Variants in PSIP1 observed in about 807,000 individuals in gnomAD.
The protein encoded by PSIP1 is PC4 and SRSF1 interacting protein 1, also known as PC4 and SFRS1-interacting protein.
PSIP1 carries 19 observed loss-of-function variants against 74.7 expected under a neutral mutation model. The ratio of observed to expected loss-of-function variants is 0.25; its 90% CI spans 0.18 to 0.37. The LOEUF (loss-of-function observed/expected upper bound fraction) is 0.37, where lower values mean the gene tolerates loss of function less well. Ranked by LOEUF, PSIP1 falls within the 10% of genes least tolerant of loss-of-function variation. The probability of loss-of-function intolerance (pLI) is 1.00; values close to 1 mark genes in which losing one functional copy is unlikely to be tolerated. For synonymous variants in PSIP1, 222 were observed against 195.3 expected, an observed-to-expected ratio of 1.14 and a Z score of -1.14; for missense variants, 601 against 614.3, an observed-to-expected ratio of 0.98 and a Z score of 0.23.
chr9:15,501,218 G>A (rs1367102784), intron 3 of PSIP1, among the ~76,000 whole-genome samples: 1 of 151,858 alleles, frequency 6.6e-6, no homozygotes, highest in East Asian at 1.9e-4. Flanking sequence ...ATAAACGTTG[G>A]CTAATGGACA....
Position 15,469,353 on chromosome 9 carries a change from G to A in PSIP1, c.1034-17C>T, listed in dbSNP as rs1185322898. 6.8e-7 allele frequency: 1 copy of A among 1,471,254 alleles called. No homozygotes were observed. The highest frequency in any genetic ancestry group is 2.3e-5 in the East Asian group (1 of 43,888). The allele number at this position is 1,471,254 out of a possible 1,614,324, so 91.1% of individuals were successfully genotyped here. On this transcript the variant is annotated splice_polypyrimidine_tract_variant and intron_variant, in intron 11 of 15. Transcript: ENST00000380733. Reference sequence around the variant, plus strand: ...TTGATGTTTCTACAAATTAAAATATGTGAAAAACAGTGAACAGTTTTTCCA... The same window carrying A: ...TTGATGTTTCTACAAATTAAAATATATGAAAAACAGTGAACAGTTTTTCCA...
chr9:15,467,904 A>G (rs2665511), intron 14 of PSIP1, among the ~76,000 whole-genome samples: 1 of 151,950 alleles, frequency 6.6e-6, no homozygotes, highest in Non-Finnish European at 1.5e-5. Context: ...GTGGATTACC[A>G]TAGGTCGGGA....
At chr9:15,508,950 G>C (rs2037724076) in intron 2 of PSIP1, among the ~76,000 whole-genome samples, 1 of 152,182 alleles carries the variant, frequency 6.6e-6, no homozygotes, top group South Asian at 2.1e-4. Flanking sequence ...CGAAAAGGCA[G>C]ACTTTATAGG....
intron 11 of PSIP1, 69 bp downstream of exon 11, chr9:15,469,869 A>T (rs2035757786): frequency 2.4e-5 from 32 of 1,351,912 alleles, no homozygotes; most frequent in Non-Finnish European, 3.3e-5. Context: ...CCAATACATG[A>T]AAAGTTATGT....
intron 3 of PSIP1, among the ~76,000 whole-genome samples, chr9:15,491,167 T>G (rs1337938167): frequency 6.6e-6 from 1 of 152,268 alleles, no homozygotes; most frequent in Admixed American, 6.5e-5. Flanking sequence ...CAACAGCGTA[T>G]GTAACATGCG....
chr9:15,498,857 T>C (rs2037203967), intron 3 of PSIP1, among the ~76,000 whole-genome samples: 1 of 152,154 alleles, frequency 6.6e-6, no homozygotes. Context: ...AGGGCATAAC[T>C]ATATACGACA....
rs888083555 is a variant in PSIP1 at position 15,468,673 on chromosome 9, T to C, written c.1377A>G (p.Gln459=). The C allele has an allele frequency of 2.5e-6, 4 of 1,614,150 alleles. No individual in the cohort carries two copies. The highest frequency in any genetic ancestry group is 1.7e-5 in the Admixed American group (1 of 60,020). ...QHEEANKTKD[Q]GKKGPNKKLE... is the part of the protein sequence containing the mutation. ...GCTTTTTGTTTGGCCCTTTCTTCCC[T>C]TGATCTTTGGTTTTATTCGCTTCCT... is the stretch of plus-strand genomic sequence containing the variant. The change falls in exon 14 of 16, where the codon CAA becomes CAG. Residue 459 remains glutamine (Q), a synonymous_variant. Coordinates refer to ENST00000380733, the MANE Select transcript of PSIP1 (RefSeq NM_033222.5).
intron 3 of PSIP1, chr9:15,505,081 T>C (rs564993022): frequency 1.3e-5 from 2 of 150,856 alleles, no homozygotes; most frequent in Admixed American, 1.3e-4. Flanking sequence ...TGGGACCACA[T>C]GTGTGTGCCA....
chr9:15,470,984 G>A (rs2035802611), intron 10 of PSIP1: 1 of 1,182,786 alleles, frequency 8.5e-7, no homozygotes, highest in Non-Finnish European at 1.1e-6. Flanking sequence ...ACCTTAGTAT[G>A]TAGTGTGTAC....
chr9:15,501,866 T>TATATATATATATATATATATATATAAAA, intron 3 of PSIP1, among the ~76,000 whole-genome samples: 1 of 135,654 alleles, frequency 7.4e-6, no homozygotes, highest in East Asian at 2.3e-4. Flanking sequence ...TATATATATA[T>TATATATATATATATATATATATATAAAA]AAAACGCACA....
chr9:15,506,736 T>C (rs907665532), intron 2 of PSIP1, 99 bp from the exon 3 acceptor site: 3 of 922,230 alleles, frequency 3.3e-6, no homozygotes, highest in Admixed American at 4.9e-5. Context: ...GGTTCTGTTA[T>C]AAAATGGGCC....
chr9:15,502,338 A>G (rs778055567), intron 3 of PSIP1, among the ~76,000 whole-genome samples: 2 of 152,316 alleles, frequency 1.3e-5, no homozygotes, highest in East Asian at 3.9e-4. Flanking sequence ...AATATTTTCA[A>G]TCTGTGACAG....
chr9:15,469,921 A>G lies in PSIP1; in HGVS notation c.1033+17T>C, dbSNP rs374285430. On this transcript the variant is annotated intron_variant, in intron 11 of 15. Coordinates refer to ENST00000380733, the MANE Select transcript of PSIP1 (RefSeq NM_033222.5). Reference sequence around the variant, plus strand: ...CCATGTATAATTTTATGTATCTTAGAAAGTGAAATAACTAACCTCGCTTCT... The same window carrying G: ...CCATGTATAATTTTATGTATCTTAGGAAGTGAAATAACTAACCTCGCTTCT... 215 of 1,593,340 alleles carry G rather than the reference A, an allele frequency of 1.3e-4. No individual in the cohort carries two copies. In the African/African-American group the frequency reaches 2.3e-3, roughly 17 times the overall value.
intron 6 of PSIP1, among the ~76,000 whole-genome samples, chr9:15,480,055 A>C (rs1186862002): frequency 2.0e-5 from 3 of 152,208 alleles, no homozygotes; most frequent in African/African-American, 7.2e-5. Flanking sequence ...ACTGTTACCT[A>C]ACAGTTCTCC....
In PSIP1 at chr9:15,475,587, C is replaced by T. The variant is rs531715999; in HGVS notation, c.630-1350G>A. On this transcript the variant is annotated intron_variant, in intron 8 of 15. Transcript: ENST00000380733. ...ATGTTTTTAAAATCGTCTATCCATACATAGGATAGATCTTAAGAATTATAA... is the reference window on the plus strand; with the variant it reads ...ATGTTTTTAAAATCGTCTATCCATATATAGGATAGATCTTAAGAATTATAA... Among the ~76,000 whole-genome samples, 9 of 152,244 alleles carry T rather than the reference C, an allele frequency of 5.9e-5. No individual in the cohort carries two copies. In the South Asian group the frequency reaches 6.2e-4, roughly 11 times the overall value.
intron 2 of PSIP1, 80 bp downstream of exon 2, chr9:15,510,037 A>G (rs2037782578): frequency 1.4e-6 from 2 of 1,402,616 alleles, no homozygotes; most frequent in African/African-American, 2.9e-5. Context: ...GACAGAAGAA[A>G]AAATAAAGAG....
intron 2 of PSIP1, 22 bp downstream of exon 2, chr9:15,510,095 G>T: frequency 6.3e-7 from 1 of 1,597,662 alleles, no homozygotes; most frequent in African/African-American, 1.4e-5. Flanking sequence ...ACTGCTAAGC[G>T]CGAGGGCTAC....
At chr9:15,508,771 T>C (rs1388792235) in intron 2 of PSIP1, among the ~76,000 whole-genome samples, 4 of 152,166 alleles carry the variant, frequency 2.6e-5, no homozygotes, top group African/African-American at 9.7e-5. Flanking sequence ...ATGGAGGGTA[T>C]AAACAAATTC....
At chr9:15,499,941 C>T (rs982556491) in intron 3 of PSIP1, among the ~76,000 whole-genome samples, 1 of 151,108 alleles carries the variant, frequency 6.6e-6, no homozygotes, top group African/African-American at 2.4e-5. Flanking sequence ...ATATGAAGCT[C>T]AAAACTCATT....
Sources: allele counts gnomAD v4.1 joint callset (sites outside exome capture counted in the v4.1 genomes callset), GRCh38; gene constraint gnomAD v4.1.1; transcripts MANE v1.5; gene names NCBI Gene and HGNC (gene_info 2026-07-23, HGNC 2026-07-21).